The following FAM222A variants were observed in gnomAD, a reference collection of about 807,000 sequenced individuals.
The protein encoded by FAM222A is protein FAM222A.
FAM222A carries 7 observed loss-of-function variants against 25.8 expected under a neutral mutation model. The observed-to-expected ratio is 0.27, with a 90% confidence interval of 0.15 to 0.51. FAM222A has a LOEUF of 0.51. Ranked by LOEUF, FAM222A falls within the 20% of genes least tolerant of loss-of-function variation. The pLI is 0.97. For synonymous variants in FAM222A, 294 were observed against 298.8 expected (o/e 0.98, Z 0.17); for missense variants, 573 against 640.5 (o/e 0.89, Z 1.14).
chr12:109,753,357 C>T (rs1438679700), intron 2 of FAM222A, among the ~76,000 whole-genome samples: 1 of 152,168 alleles, frequency 6.6e-6, no homozygotes, highest in Non-Finnish European at 1.5e-5. Flanking sequence ...GCCCCATCCC[C>T]ATGAACCCCT....
Position 109,768,466 on chromosome 12 carries a change from C to A in FAM222A, c.537C>A (p.Ala179=). The change falls in exon 3 of 3, where the codon GCC becomes GCA. Residue 179 remains alanine (A), a synonymous_variant. Coordinates refer to ENST00000538780, the MANE Select transcript of FAM222A (RefSeq NM_032829.3). ...PPGLPAAATA[A]SVIPLPGRGL... is the part of the protein sequence containing the mutation. Reference sequence around the variant, plus strand: ...GCCTGCCCGCAGCCGCCACTGCCGCCTCCGTCATCCCCCTGCCGGGCCGGG... The same window carrying A: ...GCCTGCCCGCAGCCGCCACTGCCGCATCCGTCATCCCCCTGCCGGGCCGGG... The A allele has an allele frequency of 1.2e-6, 2 of 1,602,890 alleles. No individual in the cohort carries two copies. Among genetic ancestry groups the A allele is most frequent in the Non-Finnish European group, 1.7e-6 (2 of 1,179,068 alleles).
chr12:109,743,841 G>A (rs923947831), intron 1 of FAM222A: 8 of 985,390 alleles, frequency 8.1e-6, no homozygotes, highest in South Asian at 9.4e-5. Context: ...CCCAGATGCC[G>A]AGCAGGGCCG....
At chr12:109,753,287 G>A (rs544695668) in intron 2 of FAM222A, among the ~76,000 whole-genome samples, 1 of 152,284 alleles carries the variant, frequency 6.6e-6, no homozygotes. Flanking sequence ...TTGGGTAAGT[G>A]ACGTGGCCTC....
intron 1 of FAM222A, among the ~76,000 whole-genome samples, chr12:109,738,914 G>A (rs1019754410): frequency 2.0e-5 from 3 of 152,246 alleles, no homozygotes; most frequent in African/African-American, 7.2e-5. Flanking sequence ...AGGTCACCCA[G>A]CCAGTGAGAA....
At chr12:109,736,297 C>T (rs1378284795) in intron 1 of FAM222A, among the ~76,000 whole-genome samples, 1 of 152,188 alleles carries the variant, frequency 6.6e-6, no homozygotes, top group African/African-American at 2.4e-5. Flanking sequence ...TCCTACTTAC[C>T]TGTTGATAGC....
intron 2 of FAM222A, among the ~76,000 whole-genome samples, chr12:109,765,487 T>C (rs1303154215): frequency 6.6e-6 from 1 of 152,224 alleles, no homozygotes; most frequent in East Asian, 1.9e-4. Context: ...CCACCCTGAC[T>C]ACTTCTCTGC....
At chr12:109,725,800 CCTGT>C (rs1429143128) in intron 1 of FAM222A, among the ~76,000 whole-genome samples, 1 of 152,026 alleles carries the variant, frequency 6.6e-6, no homozygotes, top group Non-Finnish European at 1.5e-5. Context: ...GGCCCGGAAT[CCTGT>C]CTGTTTCGTC....
intron 1 of FAM222A, among the ~76,000 whole-genome samples, chr12:109,738,728 G>A (rs1888152364): frequency 6.6e-6 from 1 of 152,200 alleles, no homozygotes; most frequent in Non-Finnish European, 1.5e-5. Flanking sequence ...GAGCCCCTTT[G>A]TGTGCCCACA....
At chr12:109,726,513 C>T (rs1411474241) in intron 1 of FAM222A, among the ~76,000 whole-genome samples, 1 of 152,226 alleles carries the variant, frequency 6.6e-6, no homozygotes, top group South Asian at 2.1e-4. Flanking sequence ...CATCCTCCCG[C>T]ACCCACCCCG....
chr12:109,734,004 G>C (rs1170723095), intron 1 of FAM222A, among the ~76,000 whole-genome samples: 1 of 152,136 alleles, frequency 6.6e-6, no homozygotes, highest in Non-Finnish European at 1.5e-5. Flanking sequence ...CTTGAGGCCA[G>C]GAGTTCAAGA....
rs148635365 is a variant in FAM222A at position 109,768,293 on chromosome 12, G to T, written c.364G>T (p.Ala122Ser). The T allele has an allele frequency of 1.2e-6, 2 of 1,606,218 alleles. No homozygotes were observed. ...CAGCACGGCCGCACCAGCTGGGCCC[G>T]CCAAAAGTGTGCTCAAGAGCGCCGA... ...SSSTAAPAGP[A>S]KSVLKSAEGK... Residue 122 changes from alanine to serine, a missense_variant, in exon 3 of 3, where the codon GCC (alanine) becomes TCC (serine). Coordinates refer to ENST00000538780, the MANE Select transcript of FAM222A (RefSeq NM_032829.3).
In FAM222A at chr12:109,746,814, A is replaced by G. The variant is rs117485714; in HGVS notation, c.82+2586A>G. Among the ~76,000 whole-genome samples the G allele has an allele frequency of 7.3e-3, 1,118 of 152,230 alleles. 10 individuals carry two copies. The highest frequency in any genetic ancestry group is 0.012 in the Non-Finnish European group (824 of 68,002). On this transcript the variant is annotated intron_variant, in intron 2 of 2. Coordinates refer to ENST00000538780, the MANE Select transcript of FAM222A (RefSeq NM_032829.3). ...CTCACCAACCTCCTCCCCTTTCTCT[A>G]CAATTTCCCTATTCTGGACTAGTGA...
At chr12:109,717,648 G>C (rs1393902301) in intron 1 of FAM222A, among the ~76,000 whole-genome samples, 11 of 152,202 alleles carry the variant, frequency 7.2e-5, no homozygotes, top group Admixed American at 7.2e-4. Context: ...GGTGGATAGG[G>C]AAGGTTTAAG....
intron 2 of FAM222A, among the ~76,000 whole-genome samples, chr12:109,767,619 C>T (rs752273170): frequency 4.6e-5 from 7 of 152,160 alleles, no homozygotes; most frequent in African/African-American, 7.2e-5. Context: ...TATGAAGTGA[C>T]AGAAGCCAGG....
At chr12:109,746,766 C>T (rs1888408395) in intron 2 of FAM222A, among the ~76,000 whole-genome samples, 1 of 152,170 alleles carries the variant, frequency 6.6e-6, no homozygotes, top group Non-Finnish European at 1.5e-5. Flanking sequence ...AACCGACACC[C>T]ATCAGCAGTC....
In FAM222A at chr12:109,769,241, C is replaced by T. The variant is rs142286258; in HGVS notation, c.1312C>T (p.Leu438=). ...KGYETVAVPR[L]LDHQHAHIRL... is the part of the protein sequence containing the mutation. ...CTATGAGACGGTGGCCGTGCCCCGG[C>T]TACTCGACCACCAGCATGCCCACAT... The change falls in exon 3 of 3, where the codon CTA becomes TTA. Residue 438 remains leucine (L), a synonymous_variant. Transcript: ENST00000538780. 5.3e-3 allele frequency: 8,569 copies of T among 1,611,700 alleles called. 32 individuals are homozygous for T. Among genetic ancestry groups the T allele is most frequent in the Middle Eastern group, 0.015 (89 of 6,060 alleles).
At chr12:109,732,773 C>T (rs544226330) in intron 1 of FAM222A, among the ~76,000 whole-genome samples, 1 of 152,376 alleles carries the variant, frequency 6.6e-6, no homozygotes, top group South Asian at 2.1e-4. Context: ...ACTGCTACAT[C>T]TCATCACTTA....
chr12:109,760,349 C>T (rs969153335), intron 2 of FAM222A, among the ~76,000 whole-genome samples: 1 of 152,052 alleles, frequency 6.6e-6, no homozygotes, highest in Non-Finnish European at 1.5e-5. Flanking sequence ...AGTGAGGCTC[C>T]GGTTATGGAG....
chr12:109,768,910 A>G lies in FAM222A; in HGVS notation c.981A>G (p.Ser327=). The G allele has an allele frequency of 6.3e-7, 1 of 1,581,836 alleles. No homozygotes were observed. Among genetic ancestry groups the G allele is most frequent in the South Asian group, 1.1e-5 (1 of 88,344 alleles). The change falls in exon 3 of 3, where the codon TCA becomes TCG. Residue 327 remains serine (S), a synonymous_variant. Coordinates refer to ENST00000538780, the MANE Select transcript of FAM222A (RefSeq NM_032829.3). The part of the protein sequence containing the change: ...GGRAYERASG[S]PLNCGVGLPT... ...GGGCATACGAGCGGGCCAGCGGGTCACCCCTCAACTGTGGCGTGGGGCTGC... is the reference window on the plus strand; with the variant it reads ...GGGCATACGAGCGGGCCAGCGGGTCGCCCCTCAACTGTGGCGTGGGGCTGC...
Sources: allele counts gnomAD v4.1 joint callset (sites outside exome capture counted in the v4.1 genomes callset), GRCh38; gene constraint gnomAD v4.1.1; transcripts MANE v1.5; gene names NCBI Gene and HGNC (gene_info 2026-07-23, HGNC 2026-07-21).